XKR9: variants seen among roughly 807,000 people sequenced by gnomAD.
XKR9 encodes the protein XK related 9, also known as XK-related protein 9.
In XKR9, 32 loss-of-function variants were observed where a neutral mutation model predicts 32.0. That is an observed-to-expected ratio of 1.00 (90% CI 0.76 to 1.34). The LOEUF (loss-of-function observed/expected upper bound fraction) is 1.34, where lower values mean the gene tolerates loss of function less well. Among genes scored for constraint, XKR9 ranks in the 40% most tolerant of loss-of-function variants. The probability of loss-of-function intolerance (pLI) is 0.00; values close to 1 mark genes in which losing one functional copy is unlikely to be tolerated. For missense variants in XKR9, 546 were observed against 429.7 expected (o/e 1.27, Z -2.39); for synonymous variants, 168 against 143.4 (o/e 1.17, Z -1.22).
chr8:70,849,877 G>A, the XKR9 span, among the ~76,000 whole-genome samples: 3 of 151,948 alleles, frequency 2.0e-5, no homozygotes, highest in Non-Finnish European at 4.4e-5. Flanking sequence ...AGAAGAAATG[G>A]ATAAATTTCT....
chr8:70,813,903 GA>G, the XKR9 span, among the ~76,000 whole-genome samples: 2 of 152,124 alleles, frequency 1.3e-5, no homozygotes, highest in African/African-American at 4.8e-5. Flanking sequence ...CAGGGATCTA[GA>G]ACTAGAAATA....
the XKR9 span, among the ~76,000 whole-genome samples, chr8:70,931,275 A>G: frequency 2.6e-5 from 4 of 152,210 alleles, no homozygotes; most frequent in Admixed American, 6.5e-5. Flanking sequence ...CAGGTATGGA[A>G]TCATAATCAG....
intron 4 of XKR9, among the ~76,000 whole-genome samples, chr8:70,732,435 C>T (rs1371183614): frequency 6.6e-6 from 1 of 152,184 alleles, no homozygotes; most frequent in African/African-American, 2.4e-5. Context: ...ACCCCCAGTC[C>T]AAGAGAACTA....
the XKR9 span, among the ~76,000 whole-genome samples, chr8:70,985,971 AAAAGAT>A: frequency 6.6e-6 from 1 of 152,184 alleles, no homozygotes; most frequent in East Asian, 1.9e-4. Context: ...ACTGGAAATC[AAAAGAT>A]TACAGAGGGC....
intron 2 of XKR9, among the ~76,000 whole-genome samples, chr8:70,778,397 T>G (rs1281607579): frequency 1.3e-5 from 2 of 152,228 alleles, no homozygotes; most frequent in African/African-American, 4.8e-5. Context: ...TCCAGCTTTG[T>G]TCTTTTTGCT....
chr8:70,749,250 C>T (rs571391304), intron 2 of XKR9, among the ~76,000 whole-genome samples: 1 of 151,864 alleles, frequency 6.6e-6, no homozygotes, highest in African/African-American at 2.4e-5. Flanking sequence ...AATGGTGGGA[C>T]TGAAAGAGCT....
At chr8:70,813,357 T>A in the XKR9 span, among the ~76,000 whole-genome samples, 2 of 152,106 alleles carry the variant, frequency 1.3e-5, no homozygotes, top group Non-Finnish European at 1.5e-5. Flanking sequence ...AACCTAGGTA[T>A]TACCATTCAG....
the XKR9 span, among the ~76,000 whole-genome samples, chr8:71,031,266 C>G: frequency 3.3e-5 from 5 of 152,194 alleles, no homozygotes; most frequent in African/African-American, 1.2e-4. Context: ...TATAATAGTT[C>G]TAATTCCTTC....
chr8:70,694,567 TCCCTTCTG>T (rs1805193970), intron 3 of XKR9, among the ~76,000 whole-genome samples: 1 of 152,018 alleles, frequency 6.6e-6, no homozygotes, highest in Non-Finnish European at 1.5e-5. Flanking sequence ...GCTGTGGGAA[TCCCTTCTG>T]CCTTGGGTGG....
the XKR9 span, among the ~76,000 whole-genome samples, chr8:70,885,414 T>G: frequency 6.6e-6 from 1 of 152,182 alleles, no homozygotes; most frequent in Non-Finnish European, 1.5e-5. Flanking sequence ...TTTTTTAAAA[T>G]TTTACTTTAA....
the XKR9 span, among the ~76,000 whole-genome samples, chr8:71,010,165 G>A: frequency 6.6e-6 from 1 of 152,150 alleles, no homozygotes; most frequent in African/African-American, 2.4e-5. Flanking sequence ...AAATGTAGGT[G>A]AAAACATTCC....
the XKR9 span, among the ~76,000 whole-genome samples, chr8:70,960,786 C>T: frequency 1.0e-3 from 159 of 151,510 alleles, 1 homozygote; most frequent in Middle Eastern, 6.8e-3. Context: ...GCAGGAGGAT[C>T]CCTTGAGTCC....
chr8:71,051,757 A>T, the XKR9 span, among the ~76,000 whole-genome samples: 4 of 152,260 alleles, frequency 2.6e-5, no homozygotes, highest in African/African-American at 9.6e-5. Context: ...AGCTTAAACC[A>T]GGAGAAAATG....
At chr8:70,798,764 A>G in the XKR9 span, among the ~76,000 whole-genome samples, 1 of 152,242 alleles carries the variant, frequency 6.6e-6, no homozygotes, top group Non-Finnish European at 1.5e-5. Flanking sequence ...TCTTTTGCAC[A>G]TGGCTAGCCA....
the XKR9 span, among the ~76,000 whole-genome samples, chr8:71,013,484 A>C: frequency 2.0e-5 from 3 of 152,328 alleles, no homozygotes; most frequent in Admixed American, 6.5e-5. Context: ...GGATTGCCCC[A>C]GGGGCAGAAG....
chr8:70,898,312 G>A, the XKR9 span, among the ~76,000 whole-genome samples: 1 of 152,060 alleles, frequency 6.6e-6, no homozygotes, highest in Non-Finnish European at 1.5e-5. Context: ...TGCTGTTTTG[G>A]TTACTATAGC....
chr8:71,041,420 A>G, the XKR9 span, among the ~76,000 whole-genome samples: 2 of 152,212 alleles, frequency 1.3e-5, no homozygotes, highest in African/African-American at 4.8e-5. Flanking sequence ...TTTAAAATAT[A>G]TGATAAATCA....
the XKR9 span, among the ~76,000 whole-genome samples, chr8:70,888,214 C>CAT: frequency 6.6e-6 from 1 of 151,852 alleles, no homozygotes; most frequent in African/African-American, 2.4e-5. Context: ...AGCATTTTTT[C>CAT]ATATATCTGT....
the XKR9 span, among the ~76,000 whole-genome samples, chr8:71,055,969 C>T: frequency 6.6e-6 from 1 of 152,084 alleles, no homozygotes; most frequent in African/African-American, 2.4e-5. Context: ...TGAAGGAATT[C>T]TATTTTTTGG....
Sources: allele counts gnomAD v4.1 joint callset (sites outside exome capture counted in the v4.1 genomes callset), GRCh38; gene constraint gnomAD v4.1.1; transcripts MANE v1.5; gene names NCBI Gene and HGNC (gene_info 2026-07-23, HGNC 2026-07-21).